PRR35: variants seen among roughly 807,000 people sequenced by gnomAD.
PRR35 encodes proline rich 35.
In PRR35, 14 loss-of-function variants were observed where a neutral mutation model predicts 18.6. That is an observed-to-expected ratio of 0.75 (90% CI 0.50 to 1.18). PRR35 has a LOEUF of 1.18. Among genes scored for constraint, PRR35 ranks in the 50% most tolerant of loss-of-function variants. The pLI is 0.00. For synonymous variants in PRR35, 425 were observed against 378.2 expected, an observed-to-expected ratio of 1.12 and a Z score of -1.43; for missense variants, 832 against 792.2, an observed-to-expected ratio of 1.05 and a Z score of -0.60.
intron 1 of PRR35, among the ~76,000 whole-genome samples, chr16:562,769 C>T (rs543225279): frequency 6.6e-5 from 10 of 152,324 alleles, no homozygotes; most frequent in African/African-American, 2.4e-4. Flanking sequence ...GCTCTGGTCA[C>T]GCTGATTCTT....
Position 565,219 on chromosome 16 carries a change from G to A in PRR35, c.1628G>A (p.Ser543Asn). The stretch of plus-strand genomic sequence containing the variant: ...CCAGATGACCCTGTCATTCCTGGCA[G>A]TGGCTGGGGCACCTGTGTTGCGACG... ...AAPDDPVIPG[S>N]GWGTCVATRS... The change falls in exon 3 of 3, where the codon AGT becomes AAT. Residue 543 changes from serine to asparagine, a missense_variant. By Grantham distance (46) the Ser-to-Asn change is conservative (BLOSUM62 1). Coordinates refer to ENST00000409413, the MANE Select transcript of PRR35 (RefSeq NM_145270.3). 6.2e-7 allele frequency: 1 copy of A among 1,609,912 alleles called. No homozygotes were observed. Among genetic ancestry groups the A allele is most frequent in the Non-Finnish European group, 8.5e-7 (1 of 1,178,686 alleles).
In PRR35 at chr16:565,006, C is replaced by T. The variant is rs199806280; in HGVS notation, c.1415C>T (p.Ala472Val). The change falls in exon 3 of 3, where the codon GCG (alanine) becomes GTG (valine). Residue 472 changes from alanine (A) to valine (V), a missense_variant. Around this residue, in one of 3 missense-constraint regions of PRR35, gnomAD observed 768 missense variants for 704.1 expected, o/e 1.09. Coordinates refer to ENST00000409413, the MANE Select transcript of PRR35 (RefSeq NM_145270.3). ...DAPLDLSVKR[A>V]PAKGPQALGE... The stretch of plus-strand genomic sequence containing the variant: ...CCCCTCGACCTCTCTGTGAAACGTG[C>T]GCCCGCCAAGGGGCCCCAGGCTCTT... 21 of 1,604,608 alleles carry T rather than the reference C, an allele frequency of 1.3e-5. No homozygotes were observed. The highest frequency in any genetic ancestry group is 6.7e-5 in the African/African-American group (5 of 74,798).
intron 1 of PRR35, among the ~76,000 whole-genome samples, chr16:563,051 T>TTTTTTG (rs2035466806): frequency 6.6e-6 from 1 of 150,426 alleles, no homozygotes; most frequent in Non-Finnish European, 1.5e-5. Context: ...TTTTTTTTTT[T>TTTTTTG]GGTGCCCTGG....
rs1191065124 is a variant in PRR35, at chr16:564,356, A to G, written c.1062A>G (p.Thr354=). 1 of 1,588,398 alleles carries G rather than the reference A, an allele frequency of 6.3e-7. No individual in the cohort carries two copies. Among genetic ancestry groups the G allele is most frequent in the South Asian group, 1.1e-5 (1 of 88,764 alleles). Residue 354 remains threonine (T), a synonymous_variant, in exon 2 of 3, where the codon ACA becomes ACG. Transcript: ENST00000409413. The part of the protein sequence containing the change: ...LELPKASPSL[T]RFCSRSSLPT... ...TTCCGAAGGCATCCCCCAGCCTGAC[A>G]AGGTTCTGTTCCCGGAGCAGGTGGG...
In PRR35 at chr16:563,599, C is replaced by T. The variant is rs780786360; in HGVS notation, c.305C>T (p.Pro102Leu). ...RPGESDPGRQ[P>L]QGARPTGAAP... ...GGGGAGTCCGACCCCGGCAGGCAAC[C>T]CCAGGGAGCACGGCCCACAGGTGCT... The change falls in exon 2 of 3, where the codon CCC becomes CTC. Residue 102 changes from proline to leucine, a missense_variant. Physicochemically the swap from Pro to Leu is moderately conservative, Grantham distance 98. This residue lies in a region of PRR35 where 768 missense variants were observed against 704.1 expected (regional missense o/e 1.09). Transcript: ENST00000409413. 2 of 1,594,272 alleles carry T rather than the reference C, an allele frequency of 1.3e-6. No individual in the cohort carries two copies. Among genetic ancestry groups the T allele is most frequent in the South Asian group, 1.1e-5 (1 of 89,450 alleles).
In PRR35 at chr16:565,113, G is replaced by T; in HGVS notation, c.1522G>T (p.Ala508Ser). ...GCCACCCGGCATGCTGGGCCCTGCA[G>T]CGCCCCAACCCTTCTCTGGCCACAC... Reference protein sequence around the residue: ...PEPPGMLGPAAPQPFSGHTTK... With the variant: ...PEPPGMLGPASPQPFSGHTTK... Residue 508 changes from alanine to serine, a missense_variant, in exon 3 of 3, where the codon GCG (alanine) becomes TCG (serine). This residue lies in a region of PRR35 where 768 missense variants were observed against 704.1 expected (regional missense o/e 1.09). Coordinates refer to ENST00000409413, the MANE Select transcript of PRR35 (RefSeq NM_145270.3). 2 of 1,601,494 alleles carry T rather than the reference G, an allele frequency of 1.2e-6. No homozygotes were observed. Among genetic ancestry groups the T allele is most frequent in the Non-Finnish European group, 8.5e-7 (1 of 1,173,530 alleles).
intron 1 of PRR35, among the ~76,000 whole-genome samples, chr16:562,034 G>A (rs1356199172): frequency 1.3e-5 from 2 of 152,236 alleles, no homozygotes; most frequent in South Asian, 4.1e-4. Context: ...CACTGGGTGA[G>A]GGCTCTGTGT....
At position 564,977 on chromosome 16, in the gene PRR35, C is replaced by T. The variant is rs748884674; in HGVS notation, c.1386C>T (p.Asp462=). ...QALEQAVRPP[D]APLDLSVKRA... ...TGGAGCAGGCCGTGAGGCCGCCAGA[C>T]GCACCCCTCGACCTCTCTGTGAAAC... is the stretch of plus-strand genomic sequence containing the variant. Residue 462 remains aspartate (D), a synonymous_variant, in exon 3 of 3, where the codon GAC becomes GAT. Transcript: ENST00000409413. The T allele has an allele frequency of 2.3e-5, 37 of 1,607,058 alleles. No homozygotes were observed. The highest frequency in any genetic ancestry group is 5.5e-5 in the South Asian group (5 of 90,484).
intron 1 of PRR35, among the ~76,000 whole-genome samples, chr16:562,563 A>G (rs1284874793): frequency 1.3e-5 from 2 of 150,868 alleles, no homozygotes; most frequent in Non-Finnish European, 3.0e-5. Flanking sequence ...ACGCACACAC[A>G]CGTGCATGCA....
chr16:560,733 C>T lies in PRR35; in HGVS notation c.-40+72C>T, dbSNP rs1476742893. ...GCCGGCTGGACGCGGGGCGCGGGGG[C>T]AGCGGGTGGCCAGGCGTGTGGGGGG... On this transcript the variant is annotated intron_variant, in intron 1 of 2. Coordinates refer to ENST00000409413, the MANE Select transcript of PRR35 (RefSeq NM_145270.3). The T allele has an allele frequency of 2.3e-4, 215 of 953,768 alleles. 1 individual carries two copies. In the African/African-American group the frequency reaches 3.7e-3, roughly 16 times the overall value. The allele number at this position is 953,768 out of a possible 1,614,324, so 59.1% of individuals were successfully genotyped here.
At chr16:563,148 G>T (rs1323858083) in intron 1 of PRR35, 108 bp from the exon 2 acceptor site, 14 of 1,134,596 alleles carry the variant, frequency 1.2e-5, no homozygotes, top group African/African-American at 1.6e-5. Flanking sequence ...GCGGCGGGGT[G>T]GGGGGAGCAC....
chr16:564,230 G>C lies in PRR35; in HGVS notation c.936G>C (p.Trp312Cys). ...TGCCAGTTCCAGGGCTGGGGCCCTG[G>C]CCCCGAGTCACCCCCAGGGACCCAG... ...LKVPVPGLGP[W>C]PRVTPRDPGQ... Residue 312 changes from tryptophan (W) to cysteine (C), a missense_variant, in exon 2 of 3, where the codon TGG becomes TGC. Trp to Cys is a radical substitution (Grantham distance 215, BLOSUM62 -2). Around this residue, in one of 3 missense-constraint regions of PRR35, gnomAD observed 768 missense variants for 704.1 expected, o/e 1.09. Coordinates refer to ENST00000409413, the MANE Select transcript of PRR35 (RefSeq NM_145270.3). 6.4e-7 allele frequency: 1 copy of C among 1,571,270 alleles called. No individual in the cohort carries two copies. The highest frequency in any genetic ancestry group is 2.3e-5 in the East Asian group (1 of 43,004).
chr16:560,939 G>C (rs1056629910), intron 1 of PRR35, among the ~76,000 whole-genome samples: 7 of 151,996 alleles, frequency 4.6e-5, no homozygotes, highest in South Asian at 4.2e-4. Context: ...GTTCCCGGGG[G>C]GGGGGGCAGC....
chr16:563,953 TCTC>T lies in PRR35; in HGVS notation c.662_664del (p.Ser221del), dbSNP rs746207528. The T allele has an allele frequency of 7.5e-6, 12 of 1,598,388 alleles. No individual in the cohort carries two copies. The highest frequency in any genetic ancestry group is 3.4e-5 in the South Asian group (3 of 88,610). The stretch of plus-strand genomic sequence containing the variant: ...AACTACCCGCTCAGCCCCGGCCTCT[TCTC>T]CTACTTGGGGCCCTCACTGGCCGCT... On this transcript the variant is annotated inframe_deletion, in exon 2 of 3. Coordinates refer to ENST00000409413, the MANE Select transcript of PRR35 (RefSeq NM_145270.3).
At position 563,664 on chromosome 16, in the gene PRR35, C is replaced by G; in HGVS notation, c.370C>G (p.Leu124Val). The G allele has an allele frequency of 6.4e-7, 1 of 1,573,672 alleles. No homozygotes were observed. The highest frequency in any genetic ancestry group is 8.6e-7 in the Non-Finnish European group (1 of 1,166,636). ...PDLVVADIHS[L>V]HCGGGPKSRA... ...CCTCGTGGTCGCCGACATCCACTCC[C>G]TGCACTGTGGCGGAGGCCCCAAGTC... The change falls in exon 2 of 3, where the codon CTG becomes GTG. Residue 124 changes from leucine to valine, a missense_variant. Leu to Val is a conservative substitution (Grantham distance 32, BLOSUM62 1). This residue lies in a region of PRR35 where 768 missense variants were observed against 704.1 expected (regional missense o/e 1.09). Coordinates refer to ENST00000409413, the MANE Select transcript of PRR35 (RefSeq NM_145270.3).
At chr16:561,026 C>T (rs1260611071) in intron 1 of PRR35, among the ~76,000 whole-genome samples, 2 of 152,082 alleles carry the variant, frequency 1.3e-5, no homozygotes, top group Non-Finnish European at 2.9e-5. Context: ...CTGTGCCCCC[C>T]GTGCCACCGG....
upstream of PRR35, chr16:560,388 G>A (rs1394839828): frequency 1.0e-6 from 1 of 983,108 alleles, no homozygotes; most frequent in African/African-American, 1.8e-5. Flanking sequence ...GCCCGCCTCT[G>A]CCGCCAACTT....
chr16:560,583 C>CGGGGAGGGGA lies in PRR35; in HGVS notation c.-114_-113insAGGGGAGGGG, dbSNP rs1555449714. 4 of 982,942 alleles carry CGGGGAGGGGA rather than the reference C, an allele frequency of 4.1e-6. No homozygotes were observed. The highest frequency in any genetic ancestry group is 1.8e-5 in the African/African-American group (1 of 56,928). The allele number at this position is 982,942 out of a possible 1,614,324, so 60.9% of individuals were successfully genotyped here. ...CGCGGGGTCCGAGTCGCGGCCGGCG[C>CGGGGAGGGGA]GGGGCGGGGAGGGGCGGGAAGTTTG... On this transcript the variant is annotated 5_prime_UTR_variant, in exon 1 of 3. Transcript: ENST00000409413.
At chr16:560,280 G>T, upstream of PRR35, 1 of 898,744 alleles carries the variant, frequency 1.1e-6, no homozygotes, top group Non-Finnish European at 1.3e-6. Flanking sequence ...GGGCGGCGGG[G>T]GCGCGGGGTT....
Sources: allele counts gnomAD v4.1 joint callset (sites outside exome capture counted in the v4.1 genomes callset), GRCh38; gene constraint gnomAD v4.1.1; regional missense constraint gnomAD v4.1.1; transcripts MANE v1.5; gene names NCBI Gene and HGNC (gene_info 2026-07-23, HGNC 2026-07-21).